Variants in DCC observed in about 807,000 individuals in gnomAD.
DCC encodes the protein DCC netrin 1 receptor.
DCC carries 58 observed loss-of-function variants against 172.5 expected under a neutral mutation model. That is an observed-to-expected ratio of 0.34 (90% CI 0.27 to 0.42). The LOEUF is 0.42. Ranked by LOEUF, DCC falls within the 10% of genes least tolerant of loss-of-function variation. The pLI is 1.00. For missense variants in DCC, 1,740 were observed against 1,791.0 expected (o/e 0.97, Z 0.51); for synonymous variants, 709 against 644.5 (o/e 1.10, Z -1.52).
intron 5 of DCC, among the ~76,000 whole-genome samples, chr18:52,941,502 G>GTGTGTGTA (rs151312837): frequency 1.3e-5 from 2 of 148,970 alleles, no homozygotes; most frequent in East Asian, 4.0e-4. Flanking sequence ...GTGTGTGTGT[G>GTGTGTGTA]TATATATATA....
In DCC at chr18:53,526,599, CTG is replaced by C; in HGVS notation, c.4112-14_4112-13del. 2.5e-6 allele frequency: 4 copies of C among 1,612,822 alleles called. No homozygotes were observed. Among genetic ancestry groups the C allele is most frequent in the Non-Finnish European group, 3.4e-6 (4 of 1,179,086 alleles). On this transcript the variant is annotated splice_polypyrimidine_tract_variant and intron_variant, in intron 27 of 28. Coordinates refer to ENST00000442544, the MANE Select transcript of DCC (RefSeq NM_005215.4). ...AATGTTTTCTACATTACTTTCATCA[CTG>C]TGTTTTCTATTTCAGGGCCCACTCT...
At chr18:53,504,535 CT>C in intron 27 of DCC, among the ~76,000 whole-genome samples, 1 of 152,270 alleles carries the variant, frequency 6.6e-6, no homozygotes, top group East Asian at 1.9e-4. Flanking sequence ...TAGACATCTC[CT>C]TGAAATTTTC....
At chr18:52,433,866 T>C (rs1005258678) in intron 1 of DCC, among the ~76,000 whole-genome samples, 3 of 152,170 alleles carry the variant, frequency 2.0e-5, no homozygotes, top group African/African-American at 2.4e-5. Flanking sequence ...AATAATTACA[T>C]GCAGAGACTC....
At chr18:52,985,864 T>A (rs1325854309) in intron 5 of DCC, among the ~76,000 whole-genome samples, 1 of 152,156 alleles carries the variant, frequency 6.6e-6, no homozygotes, top group East Asian at 1.9e-4. Context: ...TTCTTGGACT[T>A]CTCCCTAAAA....
At chr18:53,107,107 A>C (rs1246662076) in intron 7 of DCC, among the ~76,000 whole-genome samples, 1 of 151,804 alleles carries the variant, frequency 6.6e-6, no homozygotes, top group African/African-American at 2.4e-5. Flanking sequence ...AAGAATGCCT[A>C]ACTTCCTGAG....
chr18:52,593,156 G>A (rs547670470), intron 1 of DCC, among the ~76,000 whole-genome samples: 2 of 152,122 alleles, frequency 1.3e-5, no homozygotes, highest in Admixed American at 1.3e-4. Flanking sequence ...TCTCCCTGCA[G>A]TGTGTTATCC....
chr18:53,369,777 T>A (rs2058041838), intron 15 of DCC, among the ~76,000 whole-genome samples: 1 of 151,880 alleles, frequency 6.6e-6, no homozygotes, highest in Non-Finnish European at 1.5e-5. Flanking sequence ...ATTGATTAAT[T>A]TTTGTACGTC....
At chr18:52,497,420 CAT>C (rs1304708013) in intron 1 of DCC, among the ~76,000 whole-genome samples, 20 of 143,184 alleles carry the variant, frequency 1.4e-4, no homozygotes. Context: ...TGTATACACA[CAT>C]ATACACATAC....
chr18:53,336,687 A>G (rs966229018), intron 14 of DCC, among the ~76,000 whole-genome samples: 2 of 152,194 alleles, frequency 1.3e-5, no homozygotes, highest in African/African-American at 4.8e-5. Flanking sequence ...CTCTGTCTCT[A>G]CAAAAACATA....
At position 53,066,134 on chromosome 18, in the gene DCC, A is replaced by G. The variant is rs1568281411; in HGVS notation, c.1229A>G (p.Gln410Arg). Reference protein sequence around the residue: ...CVAENEAGNAQTSAQLIVPKP... With the variant: ...CVAENEAGNARTSAQLIVPKP... Reference sequence around the variant, plus strand: ...GCTGAAAATGAGGCTGGAAATGCCCAGACCAGTGCACAGCTCATTGTCCCT... The same window carrying G: ...GCTGAAAATGAGGCTGGAAATGCCCGGACCAGTGCACAGCTCATTGTCCCT... The change falls in exon 7 of 29, where the codon CAG (glutamine) becomes CGG (arginine). Residue 410 changes from glutamine (Q) to arginine (R), a missense_variant. Transcript: ENST00000442544. The G allele has an allele frequency of 6.2e-7, 1 of 1,613,474 alleles. No homozygotes were observed. The highest frequency in any genetic ancestry group is 8.5e-7 in the Non-Finnish European group (1 of 1,179,592).
chr18:53,213,224 A>G (rs1000342859), intron 11 of DCC, among the ~76,000 whole-genome samples: 5 of 152,222 alleles, frequency 3.3e-5, no homozygotes, highest in African/African-American at 1.2e-4. Flanking sequence ...TCTATCAAAA[A>G]TTCAGTTAGT....
intron 1 of DCC, among the ~76,000 whole-genome samples, chr18:52,451,380 A>T (rs949755122): frequency 6.6e-6 from 1 of 152,174 alleles, no homozygotes. Context: ...TTGCACAACC[A>T]CAAAAAGGAG....
intron 12 of DCC, among the ~76,000 whole-genome samples, chr18:53,301,005 T>C (rs1228882987): frequency 5.5e-5 from 1 of 18,068 alleles, no homozygotes; most frequent in Non-Finnish European, 2.7e-4. Context: ...TTTTCTTTTC[T>C]TTCTTTTCAC....
At chr18:52,663,712 T>C (rs2035407027) in intron 1 of DCC, among the ~76,000 whole-genome samples, 1 of 152,142 alleles carries the variant, frequency 6.6e-6, no homozygotes, top group African/African-American at 2.4e-5. Context: ...ATGTTTTGAA[T>C]AGAGACAGAA....
chr18:53,204,001 T>C (rs1247819756), intron 9 of DCC, among the ~76,000 whole-genome samples: 1 of 152,196 alleles, frequency 6.6e-6, no homozygotes, highest in Admixed American at 6.5e-5. Flanking sequence ...TGACCTGACC[T>C]CATGCTAGGC....
chr18:52,376,026 A>G (rs189128528), intron 1 of DCC, among the ~76,000 whole-genome samples: 6 of 152,276 alleles, frequency 3.9e-5, no homozygotes, highest in Admixed American at 3.3e-4. Context: ...AAAGACCTAG[A>G]TCCTGGAACC....
chr18:52,840,433 T>G (rs1303702298), intron 2 of DCC, among the ~76,000 whole-genome samples: 1 of 152,228 alleles, frequency 6.6e-6, no homozygotes, highest in African/African-American at 2.4e-5. Context: ...CAGGCATTAA[T>G]ATGATCTGGT....
intron 2 of DCC, among the ~76,000 whole-genome samples, chr18:52,803,904 A>C (rs1598818988): frequency 1.3e-5 from 2 of 152,138 alleles, no homozygotes; most frequent in Admixed American, 1.3e-4. Flanking sequence ...AGATATTTTT[A>C]ATCCTCATTT....
chr18:53,336,342 T>C (rs1404991918), intron 14 of DCC, among the ~76,000 whole-genome samples: 1 of 152,230 alleles, frequency 6.6e-6, no homozygotes, highest in Non-Finnish European at 1.5e-5. Context: ...TAAGGTCATC[T>C]ATGTTAGAGA....
Sources: allele counts gnomAD v4.1 joint callset (sites outside exome capture counted in the v4.1 genomes callset), GRCh38; gene constraint gnomAD v4.1.1; transcripts MANE v1.5; gene names NCBI Gene and HGNC (gene_info 2026-07-23, HGNC 2026-07-21).